SRPX: variants seen among roughly 807,000 people sequenced by gnomAD.
SRPX encodes sushi repeat-containing protein SRPX.
Under a neutral mutation model 38.1 loss-of-function variants are expected in SRPX, and 24 were observed. That is an observed-to-expected ratio of 0.63 (90% CI 0.46 to 0.89). SRPX has a LOEUF of 0.89. Among genes scored for constraint, SRPX ranks in the 40% least tolerant of loss-of-function variants. The probability of loss-of-function intolerance (pLI) is 0.00; values close to 1 mark genes in which losing one functional copy is unlikely to be tolerated. For missense variants in SRPX, 416 were observed against 377.8 expected (o/e 1.10, Z -0.84); for synonymous variants, 184 against 153.8 (o/e 1.20, Z -1.45).
intron 6 of SRPX, 69 bp downstream of exon 6, chrX:38,160,864 C>T (rs777160957): frequency 2.6e-4 from 301 of 1,160,125 alleles, no homozygotes; most frequent in Non-Finnish European, 3.3e-4. Context: ...AGAGTTCTGG[C>T]TTGAGGACCT....
chrX:38,166,201 T>A (rs924151531), intron 4 of SRPX, among the ~76,000 whole-genome samples: 1 of 112,573 alleles, frequency 8.9e-6, no homozygotes, highest in Non-Finnish European at 1.9e-5. Flanking sequence ...AGAGACTAAA[T>A]GCACCAAGTA....
At position 38,154,514 on chromosome X, in the gene SRPX, T is replaced by A; in HGVS notation, c.1159A>T (p.Ile387Phe). Residue 387 changes from isoleucine to phenylalanine, a missense_variant, in exon 9 of 10, where the codon ATT becomes TTT. Transcript: ENST00000378533. Reference protein sequence around the residue: ...VELVGVFPTLIGRIGAKIMPP... With the variant: ...VELVGVFPTLFGRIGAKIMPP... ...ATAATCTTTGCTCCTATCCTGCCAA[T>A]GAGAGTCGGGAACACACCCACCAGC... is the stretch of plus-strand genomic sequence containing the variant. 1 of 1,207,266 alleles carries A rather than the reference T, an allele frequency of 8.3e-7. No individual in the cohort carries two copies. Among genetic ancestry groups the A allele is most frequent in the Non-Finnish European group, 1.1e-6 (1 of 893,401 alleles).
At chrX:38,170,516 G>T (rs146947382) in intron 4 of SRPX, among the ~76,000 whole-genome samples, 2,980 of 111,280 alleles carry the variant, frequency 0.027, 102 homozygotes, top group African/African-American at 0.092. Context: ...TTTTTCCTGG[G>T]AGCTCTAGGC....
intron 1 of SRPX, among the ~76,000 whole-genome samples, chrX:38,192,751 T>C (rs1245013400): frequency 8.9e-6 from 1 of 112,241 alleles, no homozygotes; most frequent in East Asian, 2.8e-4. Flanking sequence ...GCTCCCTTTG[T>C]CCTTCCCCTA....
At chrX:38,165,250 G>T (rs188435380) in intron 4 of SRPX, among the ~76,000 whole-genome samples, 19 of 112,004 alleles carry the variant, frequency 1.7e-4, no homozygotes, top group Admixed American at 1.4e-3. Flanking sequence ...TGGCTTTAGT[G>T]AGTACTTCCT....
At chrX:38,173,505 A>C (rs1938513433) in intron 3 of SRPX, among the ~76,000 whole-genome samples, 1 of 110,231 alleles carries the variant, frequency 9.1e-6, no homozygotes, top group African/African-American at 3.3e-5. Context: ...GTTGGAGTGC[A>C]GTGGCACAAT....
chrX:38,189,829 G>A (rs1938862681), intron 1 of SRPX, among the ~76,000 whole-genome samples: 1 of 111,834 alleles, frequency 8.9e-6, no homozygotes, highest in African/African-American at 3.3e-5. Flanking sequence ...CAGGGAATAC[G>A]GTCAGGGTTT....
intron 1 of SRPX, among the ~76,000 whole-genome samples, chrX:38,194,749 T>C (rs373528387): frequency 1.8e-5 from 2 of 111,116 alleles, no homozygotes; most frequent in East Asian, 5.6e-4. Context: ...AAGAATCTAA[T>C]GTTAAGTGAA....
intron 1 of SRPX, among the ~76,000 whole-genome samples, chrX:38,180,145 C>T (rs1164541037): frequency 9.0e-6 from 1 of 111,239 alleles, no homozygotes; most frequent in Non-Finnish European, 1.9e-5. Context: ...GCTTTCTCCC[C>T]CCGCCCAGCC....
At position 38,166,280 on chromosome X, in the gene SRPX, C is replaced by T. The variant is rs572181275; in HGVS notation, c.527-1385G>A. Among the ~76,000 whole-genome samples, 11 of 111,973 alleles carry T rather than the reference C, an allele frequency of 9.8e-5. No homozygotes were observed. The East Asian group carries it at 2.5e-3, about 26-fold the overall frequency. On this transcript the variant is annotated intron_variant, in intron 4 of 9. Coordinates refer to ENST00000378533, the MANE Select transcript of SRPX (RefSeq NM_006307.5). ...TCATTTTATTCAGGGTAAGAAGTTA[C>T]GAATAACTTATTAAACAATTTTGCC...
intron 1 of SRPX, among the ~76,000 whole-genome samples, chrX:38,197,970 G>A (rs1939026818): frequency 8.9e-6 from 1 of 112,088 alleles, no homozygotes; most frequent in South Asian, 3.7e-4. Context: ...TGAGGCCGAA[G>A]GATGCTGGCA....
chrX:38,154,363 T>A (rs746845500), intron 9 of SRPX, 99 bp downstream of exon 9: 53 of 957,871 alleles, frequency 5.5e-5, no homozygotes, highest in Non-Finnish European at 7.0e-5. Flanking sequence ...ACATTGAAGG[T>A]TGCCTGAACT....
intron 9 of SRPX, among the ~76,000 whole-genome samples, chrX:38,152,498 T>C (rs1158251883): frequency 1.8e-5 from 2 of 112,390 alleles, no homozygotes; most frequent in Non-Finnish European, 3.8e-5. Flanking sequence ...AGAGACCTAC[T>C]GAATCAGAAA....
At position 38,220,720 on chromosome X, in the gene SRPX, C is replaced by G; in HGVS notation, c.73G>C (p.Val25Leu). The change falls in exon 1 of 10, where the codon GTC becomes CTC. Residue 25 changes from valine (V) to leucine (L), a missense_variant. By Grantham distance (32) the Val-to-Leu change is conservative. Transcript: ENST00000378533. ...PPLLLLLLLR[V>L]PPSRSFPGSG... ...CCTGGGAAGCTGCGGCTGGGCGGGA[C>G]GCGCAGCAGCAGCAGCAGCAGCAGA... The G allele has an allele frequency of 8.6e-7, 1 of 1,158,533 alleles. No homozygotes were observed. The highest frequency in any genetic ancestry group is 1.9e-5 in the South Asian group (1 of 52,836).
At chrX:38,209,932 C>T (rs998096812) in intron 1 of SRPX, among the ~76,000 whole-genome samples, 3 of 112,015 alleles carry the variant, frequency 2.7e-5, no homozygotes, top group African/African-American at 9.7e-5. Flanking sequence ...CTCCCCAAGC[C>T]TGCAGTGGTC....
At chrX:38,157,580 G>C (rs1194532134) in intron 7 of SRPX, among the ~76,000 whole-genome samples, 1 of 111,340 alleles carries the variant, frequency 9.0e-6, no homozygotes, top group Non-Finnish European at 1.9e-5. Context: ...GGGCCCACTG[G>C]GTAATTCAGG....
At chrX:38,182,539 T>A (rs1461925118) in intron 1 of SRPX, among the ~76,000 whole-genome samples, 1 of 111,906 alleles carries the variant, frequency 8.9e-6, no homozygotes, top group East Asian at 2.8e-4. Context: ...TGAACCATGA[T>A]GACTCTTAAG....
At chrX:38,157,932 A>G (rs1403934079) in intron 7 of SRPX, among the ~76,000 whole-genome samples, 1 of 112,216 alleles carries the variant, frequency 8.9e-6, no homozygotes, top group Non-Finnish European at 1.9e-5. Flanking sequence ...ACTCTCCATC[A>G]CTTCCAGCTG....
chrX:38,169,776 A>G (rs920695266), intron 4 of SRPX, among the ~76,000 whole-genome samples: 2 of 111,908 alleles, frequency 1.8e-5, no homozygotes, highest in Non-Finnish European at 3.8e-5. Context: ...TAAAGGAGAG[A>G]TCATGTGTCT....
Sources: allele counts gnomAD v4.1 joint callset (sites outside exome capture counted in the v4.1 genomes callset), GRCh38; gene constraint gnomAD v4.1.1; transcripts MANE v1.5; gene names NCBI Gene and HGNC (gene_info 2026-07-23, HGNC 2026-07-21).